MAP9: variants seen among roughly 807,000 people sequenced by gnomAD.
MAP9 encodes the protein microtubule-associated protein 9.
Under a neutral mutation model 75.2 loss-of-function variants are expected in MAP9, and 80 were observed. That is an observed-to-expected ratio of 1.06 (90% confidence interval 0.89 to 1.28). MAP9 has a LOEUF of 1.28. Ranked by LOEUF, MAP9 falls within the 50% of genes most tolerant of loss-of-function variation. The probability of loss-of-function intolerance (pLI) is 0.00; values close to 1 mark genes in which losing one functional copy is unlikely to be tolerated. For synonymous variants in MAP9, 235 were observed against 237.3 expected (o/e 0.99, Z 0.09); for missense variants, 753 against 719.9 (o/e 1.05, Z -0.53).
At chr4:155,354,470 C>CTTTTTTTTTTT (rs11370097) in intron 10 of MAP9, 2 of 126,498 alleles carry the variant, frequency 1.6e-5, no homozygotes, top group Admixed American at 8.2e-5. Flanking sequence ...CTTGTCGTGC[C>CTTTTTTTTTTT]TTTTTTTTTT....
Position 155,352,971 on chromosome 4 carries a change from C to T in MAP9, c.1629G>A (p.Gln543=). 2 of 1,544,298 alleles carry T rather than the reference C, an allele frequency of 1.3e-6. No homozygotes were observed. The highest frequency in any genetic ancestry group is 1.2e-5 in the South Asian group (1 of 82,848). The change falls in exon 12 of 14, where the codon CAG becomes CAA. Residue 543 remains glutamine (Q), a synonymous_variant. Coordinates refer to ENST00000311277, the MANE Select transcript of MAP9 (RefSeq NM_001039580.2). ...KEREYERAKK[Q]KEEETVAEKK... The stretch of plus-strand genomic sequence containing the variant: ...TCTCGGCAACAGTTTCCTCCTCTTT[C>T]TGTTTCTTTGCTCTTTCATATTCTC...
intron 7 of MAP9, 148 bp from the exon 8 acceptor site, chr4:155,357,667 T>C (rs575617524): frequency 1.6e-6 from 1 of 615,840 alleles, no homozygotes; most frequent in Non-Finnish European, 2.9e-6. Flanking sequence ...GTGAATAAAA[T>C]GCCCTTAAGA....
intron 5 of MAP9, 31 bp from the exon 6 acceptor site, chr4:155,362,172 C>T (rs1732115224): frequency 3.1e-6 from 4 of 1,301,106 alleles, no homozygotes; most frequent in East Asian, 2.4e-5. Flanking sequence ...ACATTTGCCA[C>T]ATAAGTTTAA....
chr4:155,348,269 G>A (rs990692452), intron 13 of MAP9, among the ~76,000 whole-genome samples: 7 of 152,016 alleles, frequency 4.6e-5, no homozygotes, highest in Non-Finnish European at 8.8e-5. Flanking sequence ...CCTGGGAGGT[G>A]GAGGTTGCAG....
In MAP9 at chr4:155,362,074, C is replaced by G; in HGVS notation, c.776G>C (p.Gly259Ala). Residue 259 changes from glycine to alanine, a missense_variant, in exon 6 of 14, where the codon GGA becomes GCA. Physicochemically the swap from Gly to Ala is moderately conservative, Grantham distance 60 (BLOSUM62 0). Transcript: ENST00000311277. ...KQILGDSFSP[G>A]SEGNASGKDP... ...TTTTCCAGATGCGTTTCCCTCAGAT[C>G]CTGGTGAAAAAGAATCTCCAAGAAT... is the stretch of plus-strand genomic sequence containing the variant. 1.2e-6 allele frequency: 2 copies of G among 1,600,300 alleles called. No individual in the cohort carries two copies. The highest frequency in any genetic ancestry group is 1.7e-6 in the Non-Finnish European group (2 of 1,174,214).
At position 155,369,972 on chromosome 4, in the gene MAP9, T is replaced by C. The variant is rs187723370; in HGVS notation, c.482-1160A>G. The stretch of plus-strand genomic sequence containing the variant: ...AAATGCATTTTTCTCAACTTCAAAA[T>C]TGGTCTAATTAACATCTTCCTCCCA... On this transcript the variant is annotated intron_variant, in intron 4 of 13. Transcript: ENST00000311277. Among the ~76,000 whole-genome samples, 187 of 152,308 alleles carry C rather than the reference T, an allele frequency of 1.2e-3. 1 individual carries two copies. The highest frequency in any genetic ancestry group is 5.9e-3 in the Admixed American group (90 of 15,306).
At chr4:155,360,603 T>C (rs766568879) in intron 6 of MAP9, 188 bp from the exon 7 acceptor site, 6 of 556,746 alleles carry the variant, frequency 1.1e-5, no homozygotes, top group Non-Finnish European at 1.9e-5. Context: ...AAAAATAGTC[T>C]AGGCTTAACT....
chr4:155,356,237 A>C (rs1441169471), intron 8 of MAP9, among the ~76,000 whole-genome samples: 1 of 152,200 alleles, frequency 6.6e-6, no homozygotes, highest in Non-Finnish European at 1.5e-5. Flanking sequence ...ACTGAACTCC[A>C]GCCTGAGCAA....
chr4:155,363,764 C>A (rs1732197392), intron 5 of MAP9, among the ~76,000 whole-genome samples: 1 of 151,908 alleles, frequency 6.6e-6, no homozygotes, highest in Admixed American at 6.6e-5. Flanking sequence ...ATTCTCCGGA[C>A]CACAATCTGT....
intron 1 of MAP9, among the ~76,000 whole-genome samples, chr4:155,376,225 T>C (rs1732836158): frequency 6.6e-6 from 1 of 152,084 alleles, no homozygotes; most frequent in Non-Finnish European, 1.5e-5. Context: ...TCTTCTAAAG[T>C]ATAACATTGC....
At position 155,347,737 on chromosome 4, in the gene MAP9, TA is replaced by T; in HGVS notation, c.*45del. The T allele has an allele frequency of 6.5e-7, 1 of 1,541,548 alleles. No individual in the cohort carries two copies. Among genetic ancestry groups the T allele is most frequent in the Non-Finnish European group, 8.8e-7 (1 of 1,140,772 alleles). On this transcript the variant is annotated 3_prime_UTR_variant, in exon 14 of 14. Coordinates refer to ENST00000311277, the MANE Select transcript of MAP9 (RefSeq NM_001039580.2). ...TGAATGGTTTTAAATCTATGGCTAA[TA>T]TTGGCAAACCGATAAATAACCAAAT...
intron 7 of MAP9, among the ~76,000 whole-genome samples, chr4:155,358,102 A>G (rs1438106615): frequency 6.6e-6 from 1 of 152,164 alleles, no homozygotes; most frequent in African/African-American, 2.4e-5. Context: ...GAATGATTAT[A>G]TTTCTGTTTA....
At chr4:155,351,082 A>C (rs1344401152) in intron 13 of MAP9, 1 of 151,972 alleles carries the variant, frequency 6.6e-6, no homozygotes, top group Non-Finnish European at 1.5e-5. Flanking sequence ...AAGAAGAACT[A>C]TAAAGGGAGA....
chr4:155,348,728 G>A lies in MAP9; in HGVS notation c.1822-823C>T, dbSNP rs139943318. On this transcript the variant is annotated intron_variant, in intron 13 of 13. Transcript: ENST00000311277. ...ATTATTTGGCCCATTTAAATGTATGGTATTTGCCTTTAATTTTTAGTAATT... is the reference window on the plus strand; with the variant it reads ...ATTATTTGGCCCATTTAAATGTATGATATTTGCCTTTAATTTTTAGTAATT... Among the ~76,000 whole-genome samples the A allele has an allele frequency of 2.2e-4, 33 of 152,020 alleles. No homozygotes were observed. In the East Asian group the frequency reaches 6.2e-3, roughly 29 times the overall value.
At chr4:155,367,938 T>C (rs1342435972) in intron 5 of MAP9, among the ~76,000 whole-genome samples, 1 of 152,252 alleles carries the variant, frequency 6.6e-6, no homozygotes, top group African/African-American at 2.4e-5. Context: ...GGAAGAAATG[T>C]TCTTCCTGTA....
Position 155,342,785 on chromosome 4 carries a change from G to A in MAP9, c.*4998C>T, listed in dbSNP as rs1731160732. ...TAATCCTGTATGTGAAAACCTCTGAGTGACTATCTCAAAGTGTATATGTCA... is the reference window on the plus strand; with the variant it reads ...TAATCCTGTATGTGAAAACCTCTGAATGACTATCTCAAAGTGTATATGTCA... On this transcript the variant is annotated 3_prime_UTR_variant, in exon 14 of 14. Coordinates refer to ENST00000311277, the MANE Select transcript of MAP9 (RefSeq NM_001039580.2). The A allele has an allele frequency of 6.6e-6, 1 of 151,852 alleles. No homozygotes were observed. The highest frequency in any genetic ancestry group is 1.5e-5 in the Non-Finnish European group (1 of 67,926). The allele number at this position is 151,852 out of a possible 1,614,324, so 9.4% of individuals were successfully genotyped here. A position where few individuals can be genotyped will look rare whatever the true frequency, so the allele number is the denominator to read the frequency against.
chr4:155,357,603 T>C, intron 7 of MAP9, 84 bp from the exon 8 acceptor site: 1 of 770,736 alleles, frequency 1.3e-6, no homozygotes, highest in African/African-American at 1.7e-5. Flanking sequence ...AGTAAATCAC[T>C]ATTCTTTAAG....
At position 155,355,281 on chromosome 4, in the gene MAP9, C is replaced by T. The variant is rs2341893; in HGVS notation, c.1291-121G>A. ...ATTTTCTAAAGTATACTATTCTACTCTAAAAAAGACAAAAAAAGACTTTTA... is the reference window on the plus strand; with the variant it reads ...ATTTTCTAAAGTATACTATTCTACTTTAAAAAAGACAAAAAAAGACTTTTA... On this transcript the variant is annotated intron_variant, in intron 9 of 13. Transcript: ENST00000311277. The T allele has an allele frequency of 0.56, 210,223 of 372,504 alleles. 61,702 individuals carry two copies. The highest frequency in any genetic ancestry group is 0.8 in the East Asian group (17,718 of 22,236). 23.1% of individuals were successfully genotyped at this position (372,504 alleles called of 1,614,324 possible). A position where few individuals can be genotyped will look rare whatever the true frequency, so the allele number is the denominator to read the frequency against.
chr4:155,368,853 A>G lies in MAP9; in HGVS notation c.482-41T>C, dbSNP rs373090986. On this transcript the variant is annotated intron_variant, in intron 4 of 13. Transcript: ENST00000311277. ...CTTAAAGTGTGTGTATAAAAAAATG[A>G]CCATGGCTTTATCTATCTCTCTGGG... The G allele has an allele frequency of 7.0e-4, 1,062 of 1,512,350 alleles. 3 individuals are homozygous for G. Among genetic ancestry groups the G allele is most frequent in the South Asian group, 1.0e-3 (84 of 81,790 alleles). The allele number at this position is 1,512,350 out of a possible 1,614,324, so 93.7% of individuals were successfully genotyped here. A position where few individuals can be genotyped will look rare whatever the true frequency, so the allele number is the denominator to read the frequency against.
Sources: allele counts gnomAD v4.1 joint callset (sites outside exome capture counted in the v4.1 genomes callset), GRCh38; gene constraint gnomAD v4.1.1; transcripts MANE v1.5; gene names NCBI Gene and HGNC (gene_info 2026-07-23, HGNC 2026-07-21).